The following ZZEF1 variants were observed in gnomAD, a reference collection of about 807,000 sequenced individuals.
ZZEF1 encodes zinc finger ZZ-type and EF-hand domain-containing protein 1.
Under a neutral mutation model 342.8 loss-of-function variants are expected in ZZEF1, and 157 were observed. The observed-to-expected ratio is 0.46, with a 90% CI of 0.40 to 0.52. The LOEUF (loss-of-function observed/expected upper bound fraction) is 0.52. Ranked by LOEUF, ZZEF1 falls within the 20% of genes least tolerant of loss-of-function variation. The pLI, the probability that ZZEF1 is intolerant of heterozygous loss-of-function variation, is 0.00. For synonymous variants in ZZEF1, 1,505 were observed against 1,429.1 expected, an observed-to-expected ratio of 1.05 and a Z score of -1.20; for missense variants, 3,480 against 3,725.6, an observed-to-expected ratio of 0.93 and a Z score of 1.72.
intron 39 of ZZEF1, among the ~76,000 whole-genome samples, chr17:4,037,592 CT>C (rs1158683208): frequency 6.6e-6 from 1 of 152,020 alleles, no homozygotes; most frequent in Non-Finnish European, 1.5e-5. Flanking sequence ...TTTTTCTTTT[CT>C]TTTTTTAAGA....
intron 37 of ZZEF1, among the ~76,000 whole-genome samples, chr17:4,045,886 G>T (rs2056902611): frequency 6.6e-6 from 1 of 151,490 alleles, no homozygotes; most frequent in South Asian, 2.1e-4. Context: ...GGAGTGCAGG[G>T]GCGCCATCTC....
At chr17:4,063,128 A>C (rs774370776) in intron 29 of ZZEF1, among the ~76,000 whole-genome samples, 1 of 152,244 alleles carries the variant, frequency 6.6e-6, no homozygotes, top group Non-Finnish European at 1.5e-5. Flanking sequence ...CCAACTGTCC[A>C]GAAGTCCGAC....
At chr17:4,133,171 G>A (rs931411353) in intron 1 of ZZEF1, among the ~76,000 whole-genome samples, 1 of 152,148 alleles carries the variant, frequency 6.6e-6, no homozygotes, top group Admixed American at 6.6e-5. Context: ...ATTCAGTTGG[G>A]AACGACACAC....
At chr17:4,120,592 C>G (rs1022110041) in intron 2 of ZZEF1, among the ~76,000 whole-genome samples, 1 of 152,120 alleles carries the variant, frequency 6.6e-6, no homozygotes, top group Admixed American at 6.5e-5. Flanking sequence ...CACAGTAATA[C>G]CTGAGCTTCA....
intron 26 of ZZEF1, among the ~76,000 whole-genome samples, chr17:4,067,852 G>A (rs1349932672): frequency 6.6e-6 from 1 of 152,112 alleles, no homozygotes; most frequent in Non-Finnish European, 1.5e-5. Context: ...GAGACTGAAG[G>A]TAGATTGCTT....
At chr17:4,055,411 T>A (rs1368253351) in intron 33 of ZZEF1, among the ~76,000 whole-genome samples, 1 of 152,214 alleles carries the variant, frequency 6.6e-6, no homozygotes, top group African/African-American at 2.4e-5. Context: ...GCACATGTGG[T>A]AGCGATGGAT....
At chr17:4,069,041 C>T (rs984350932) in intron 26 of ZZEF1, among the ~76,000 whole-genome samples, 1 of 152,160 alleles carries the variant, frequency 6.6e-6, no homozygotes, top group Non-Finnish European at 1.5e-5. Flanking sequence ...ATTCTAGAAA[C>T]AACCTGCACA....
At chr17:4,137,230 A>T (rs2058762920) in intron 1 of ZZEF1, among the ~76,000 whole-genome samples, 1 of 152,104 alleles carries the variant, frequency 6.6e-6, no homozygotes, top group Non-Finnish European at 1.5e-5. Flanking sequence ...CTTCCTCCAT[A>T]GCTCTCCTAG....
chr17:4,114,503 T>A, intron 3 of ZZEF1, 33 bp from the exon 4 acceptor site: 1 of 1,410,736 alleles, frequency 7.1e-7, no homozygotes, highest in Non-Finnish European at 9.3e-7. Flanking sequence ...TTATATGACA[T>A]CCCTTTCACA....
chr17:4,013,492 C>T lies in ZZEF1; in HGVS notation c.8536G>A (p.Ala2846Thr), dbSNP rs1292814471. The change falls in exon 52 of 55, where the codon GCC becomes ACC. Residue 2846 changes from alanine (A) to threonine (T), a missense_variant. Around this residue, in one of 5 missense-constraint regions of ZZEF1, gnomAD observed 1,269 missense variants for 1,342.4 expected, o/e 0.95. Transcript: ENST00000381638. The stretch of plus-strand genomic sequence containing the variant: ...ACAATCCTCAGAAGTAAGTGGATGG[C>T]TTTTAATCGTTGATGGCCAGTCTGG... ...CRQTGHQRLK[A>T]IHLLLRIVRC... 6.2e-7 allele frequency: 1 copy of T among 1,613,628 alleles called. No homozygotes were observed. The highest frequency in any genetic ancestry group is 8.5e-7 in the Non-Finnish European group (1 of 1,179,712).
intron 28 of ZZEF1, among the ~76,000 whole-genome samples, chr17:4,065,636 G>A (rs2057376840): frequency 6.6e-6 from 1 of 151,930 alleles, no homozygotes; most frequent in Admixed American, 6.6e-5. Flanking sequence ...TTAACTCACG[G>A]CCAATCTTGT....
intron 34 of ZZEF1, 114 bp downstream of exon 34, chr17:4,053,943 A>T: frequency 8.3e-7 from 1 of 1,207,540 alleles, no homozygotes; most frequent in Non-Finnish European, 1.1e-6. Flanking sequence ...CAGAGAAAAT[A>T]CCACTGGGCA....
rs150357730 is a variant in ZZEF1, at chr17:4,090,630, T to C, written c.2025+89A>G. On this transcript the variant is annotated intron_variant, in intron 12 of 54. Transcript: ENST00000381638. ...GAAGGTAGATTCGCCTCTGGGGTTGTAGCATTGGCACAGGGCTGATACACA... is the reference window on the plus strand; with the variant it reads ...GAAGGTAGATTCGCCTCTGGGGTTGCAGCATTGGCACAGGGCTGATACACA... The C allele has an allele frequency of 1.1e-4, 116 of 1,043,448 alleles. 1 individual carries two copies. In the African/African-American group the frequency reaches 1.5e-3, roughly 14 times the overall value. 64.6% of individuals were successfully genotyped at this position (1,043,448 alleles called of 1,614,324 possible).
At chr17:4,111,208 G>A (rs1424528481) in intron 5 of ZZEF1, among the ~76,000 whole-genome samples, 2 of 150,630 alleles carry the variant, frequency 1.3e-5, no homozygotes, top group Non-Finnish European at 3.0e-5. Context: ...GTGTGTGTAT[G>A]TAAACCATAC....
At chr17:4,092,938 G>A (rs929237599) in intron 11 of ZZEF1, among the ~76,000 whole-genome samples, 4 of 150,420 alleles carry the variant, frequency 2.7e-5, no homozygotes, top group Admixed American at 6.6e-5. Context: ...ACTGACGAAC[G>A]CCTGACCAGG....
intron 2 of ZZEF1, among the ~76,000 whole-genome samples, chr17:4,118,701 C>T (rs976652100): frequency 1.3e-5 from 2 of 152,188 alleles, no homozygotes; most frequent in African/African-American, 2.4e-5. Flanking sequence ...AGGTGATGTA[C>T]CTCTTTCTTG....
chr17:4,094,490 C>A (rs1413717754), intron 11 of ZZEF1, among the ~76,000 whole-genome samples: 1 of 152,132 alleles, frequency 6.6e-6, no homozygotes, highest in Admixed American at 6.5e-5. Context: ...CCTCTCATAT[C>A]TGTACCTTCA....
rs1263023366 is a variant in ZZEF1 at position 4,022,758 on chromosome 17, C to T, written c.7163G>A (p.Cys2388Tyr). ...TTTACTAAAGCCAGTCCCTTTGCTGCACTTTTTCACCAGCAACTTCAGCAA... is the reference window on the plus strand; with the variant it reads ...TTTACTAAAGCCAGTCCCTTTGCTGTACTTTTTCACCAGCAACTTCAGCAA... ...TDLLKLLVKK[C>Y]SKGTGFSKTW... Residue 2388 changes from cysteine to tyrosine, a missense_variant, in exon 44 of 55, where the codon TGC (cysteine) becomes TAC (tyrosine). By Grantham distance (194) the Cys-to-Tyr change is radical (BLOSUM62 -2). This residue lies in a region of ZZEF1 where 1,269 missense variants were observed against 1,342.4 expected (regional missense o/e 0.95). Coordinates refer to ENST00000381638, the MANE Select transcript of ZZEF1 (RefSeq NM_015113.4). 3 of 1,613,888 alleles carry T rather than the reference C, an allele frequency of 1.9e-6. No homozygotes were observed. The highest frequency in any genetic ancestry group is 4.5e-5 in the East Asian group (2 of 44,854).
Position 4,060,581 on chromosome 17 carries a change from C to CAAA in ZZEF1, c.4884-1294_4884-1292dup, listed in dbSNP as rs1555593487. Among the ~76,000 whole-genome samples, 464 of 148,256 alleles carry CAAA rather than the reference C, an allele frequency of 3.1e-3. 2 individuals are homozygous for CAAA. Among genetic ancestry groups the CAAA allele is most frequent in the African/African-American group, 0.011 (425 of 39,606 alleles). ...AAAAAACAAACAACAACAACAACAA[C>CAAA]AAAAAACAAACAAAAAAAACACTCA... On this transcript the variant is annotated intron_variant, in intron 30 of 54. Transcript: ENST00000381638.
Sources: allele counts gnomAD v4.1 joint callset (sites outside exome capture counted in the v4.1 genomes callset), GRCh38; gene constraint gnomAD v4.1.1; regional missense constraint gnomAD v4.1.1; transcripts MANE v1.5; gene names NCBI Gene and HGNC (gene_info 2026-07-23, HGNC 2026-07-21).